Variants in DYNC1LI1 observed in about 807,000 individuals in gnomAD.
DYNC1LI1 encodes cytoplasmic dynein 1 light intermediate chain 1.
Under a neutral mutation model 63.8 loss-of-function variants are expected in DYNC1LI1, and 19 were observed. The observed-to-expected ratio is 0.30, with a 90% CI of 0.21 to 0.44. The LOEUF is 0.44. DYNC1LI1 is among the 20% of genes least tolerant of loss of function. DYNC1LI1 has a pLI of 1.00. For synonymous variants in DYNC1LI1, 225 were observed against 232.3 expected, an observed-to-expected ratio of 0.97 and a Z score of 0.28; for missense variants, 565 against 630.2, an observed-to-expected ratio of 0.90 and a Z score of 1.11.
intron 2 of DYNC1LI1, among the ~76,000 whole-genome samples, chr3:32,555,185 G>A (rs1376807127): frequency 6.6e-6 from 1 of 152,116 alleles, no homozygotes; most frequent in Non-Finnish European, 1.5e-5. Flanking sequence ...ATTGAAAATT[G>A]AACATTCATA....
Position 32,526,895 on chromosome 3 carries a change from G to C in DYNC1LI1, c.1476C>G (p.Val492=). ...PSTKKSGQKP[V]LDVHAELDRI... ...TGTCTAGTTCTGCATGAACATCTAAGACAGGCTTCTGGCCTACATTGAAGA... is the reference window on the plus strand; with the variant it reads ...TGTCTAGTTCTGCATGAACATCTAACACAGGCTTCTGGCCTACATTGAAGA... Residue 492 remains valine (V), a synonymous_variant, in exon 13 of 13, where the codon GTC becomes GTG. Coordinates refer to ENST00000273130, the MANE Select transcript of DYNC1LI1 (RefSeq NM_016141.4). The C allele has an allele frequency of 6.2e-7, 1 of 1,613,468 alleles. No homozygotes were observed. The highest frequency in any genetic ancestry group is 1.3e-5 in the African/African-American group (1 of 75,008).
intron 2 of DYNC1LI1, among the ~76,000 whole-genome samples, chr3:32,546,982 C>T (rs930415704): frequency 1.6e-4 from 24 of 152,286 alleles, no homozygotes; most frequent in Non-Finnish European, 3.4e-4. Context: ...CGGTGGCTCA[C>T]GCCTGTAATC....
At chr3:32,537,872 C>CATATATATATATATAATTTATATATA (rs1697795647) in intron 5 of DYNC1LI1, among the ~76,000 whole-genome samples, 1 of 86,938 alleles carries the variant, frequency 1.2e-5, no homozygotes, top group African/African-American at 4.6e-5. Flanking sequence ...TTTTTTGTTA[C>CATATATATATATATAATTTATATATA]ATATATATAT....
intron 4 of DYNC1LI1, among the ~76,000 whole-genome samples, chr3:32,543,009 C>A (rs571520767): frequency 2.4e-4 from 36 of 152,294 alleles, no homozygotes; most frequent in Admixed American, 5.9e-4. Context: ...AGAATCACTT[C>A]AAAGGCTTGT....
chr3:32,533,647 CCT>C (rs999769314), intron 7 of DYNC1LI1, among the ~76,000 whole-genome samples: 1 of 150,616 alleles, frequency 6.6e-6, no homozygotes, highest in Non-Finnish European at 1.5e-5. Flanking sequence ...CTCACTGCAG[CCT>C]CTGTCTCCCA....
At chr3:32,566,801 T>C (rs1486542986) in intron 2 of DYNC1LI1, 1 of 350,452 alleles carries the variant, frequency 2.9e-6, no homozygotes, top group African/African-American at 2.2e-5. Flanking sequence ...AGTAATTAAA[T>C]ATAAAAGGTA....
chr3:32,563,846 T>C (rs982068366), intron 2 of DYNC1LI1, among the ~76,000 whole-genome samples: 1 of 152,246 alleles, frequency 6.6e-6, no homozygotes, highest in African/African-American at 2.4e-5. Flanking sequence ...GTGCTCAAAC[T>C]ATACCTAACT....
chr3:32,551,338 A>G (rs1333989033), intron 2 of DYNC1LI1, among the ~76,000 whole-genome samples: 1 of 152,216 alleles, frequency 6.6e-6, no homozygotes, highest in African/African-American at 2.4e-5. Context: ...AAGCACATAC[A>G]GAGACCCAGA....
chr3:32,570,587 G>A (rs760277107), intron 1 of DYNC1LI1, 38 bp downstream of exon 1: 26 of 1,544,320 alleles, frequency 1.7e-5, no homozygotes, highest in Non-Finnish European at 2.2e-5. Context: ...CAAGGCCGGG[G>A]GAGCCAGCGG....
chr3:32,530,250 T>C (rs1300527962), intron 10 of DYNC1LI1, 34 bp downstream of exon 10: 1 of 1,569,322 alleles, frequency 6.4e-7, no homozygotes, highest in Non-Finnish European at 8.6e-7. Context: ...ATGTACTGCA[T>C]TTTAATCATT....
chr3:32,537,900 A>ATT (rs1491559622), intron 5 of DYNC1LI1, among the ~76,000 whole-genome samples: 2 of 64,348 alleles, frequency 3.1e-5, no homozygotes, highest in African/African-American at 1.5e-4. Context: ...TTATATATAT[A>ATT]ATATATATAT....
In DYNC1LI1 at chr3:32,528,112, C is replaced by CAAAAAAAAAAAAAA. The variant is rs60912161; in HGVS notation, c.1462+320_1462+333dup. Among the ~76,000 whole-genome samples the CAAAAAAAAAAAAAA allele has an allele frequency of 5.0e-4, 15 of 29,902 alleles. 2 individuals carry two copies. The highest frequency in any genetic ancestry group is 1.0e-3 in the Admixed American group (2 of 1,936). 19.6% of individuals were successfully genotyped at this position (29,902 alleles called of 152,430 possible). On this transcript the variant is annotated intron_variant, in intron 12 of 12. Transcript: ENST00000273130. The stretch of plus-strand genomic sequence containing the variant: ...TGGGCAACAGAACAAGACTCCATCT[C>CAAAAAAAAAAAAAA]AAAAAAAAAAAAAAAAAAAAAAAAA...
At chr3:32,526,933 A>C (rs1360113867) in intron 12 of DYNC1LI1, 25 bp from the exon 13 acceptor site, 3 of 1,536,500 alleles carry the variant, frequency 2.0e-6, no homozygotes, top group Non-Finnish European at 2.7e-6. Context: ...AAGAAAAAAA[A>C]CAAGATTTAG....
At position 32,537,069 on chromosome 3, in the gene DYNC1LI1, G is replaced by A. The variant is rs767392281; in HGVS notation, c.774C>T (p.Asp258=). 1.9e-6 allele frequency: 3 copies of A among 1,597,684 alleles called. No homozygotes were observed. The highest frequency in any genetic ancestry group is 1.7e-4 in the Middle Eastern group (1 of 6,014). Residue 258 remains aspartate, a synonymous_variant, in exon 6 of 13, where the codon GAC becomes GAT. Coordinates refer to ENST00000273130, the MANE Select transcript of DYNC1LI1 (RefSeq NM_016141.4). ...DAISVLEKEH[D]YRDEHFDFIQ... ...TAAAATCAAAATGTTCATCTCTGTAGTCATGTTCTTTCTCCAATACACTAA... is the reference window on the plus strand; with the variant it reads ...TAAAATCAAAATGTTCATCTCTGTAATCATGTTCTTTCTCCAATACACTAA...
Position 32,538,444 on chromosome 3 carries a change from T to C in DYNC1LI1, c.739-1340A>G, listed in dbSNP as rs574460892. Among the ~76,000 whole-genome samples the C allele has an allele frequency of 3.3e-5, 5 of 152,102 alleles. No homozygotes were observed. In the East Asian group the frequency reaches 9.7e-4, roughly 29 times the overall value. ...GGCCAGGCGCGGTGGCTCACGCCTG[T>C]AATCCCAGCACTTTGGGAGGTCGAG... is the stretch of plus-strand genomic sequence containing the variant. On this transcript the variant is annotated intron_variant, in intron 5 of 12. Transcript: ENST00000273130.
chr3:32,570,302 C>A, intron 2 of DYNC1LI1, 44 bp downstream of exon 2: 3 of 1,489,712 alleles, frequency 2.0e-6, no homozygotes, highest in African/African-American at 1.4e-5. Context: ...GTACCCCGGG[C>A]CGCTGGGGGC....
rs1305769228 is a variant in DYNC1LI1, at chr3:32,526,850, A to C, written c.1521T>G (p.Val507=). 1.2e-6 allele frequency: 2 copies of C among 1,614,110 alleles called. No homozygotes were observed. The highest frequency in any genetic ancestry group is 1.7e-6 in the Non-Finnish European group (2 of 1,179,966). ...ATGTAGGTGTTGTGGGAGAAACTGT[A>C]ACTGGTTTTCGTGTAATTCTGTCTA... ...AELDRITRKP[V]TVSPTTPTSP... is the part of the protein sequence containing the mutation. The change falls in exon 13 of 13, where the codon GTT becomes GTG. Residue 507 remains valine, a synonymous_variant. Coordinates refer to ENST00000273130, the MANE Select transcript of DYNC1LI1 (RefSeq NM_016141.4).
intron 2 of DYNC1LI1, among the ~76,000 whole-genome samples, chr3:32,568,803 TAATTAA>T (rs1219332604): frequency 6.6e-6 from 1 of 152,222 alleles, no homozygotes; most frequent in East Asian, 1.9e-4. Flanking sequence ...TCCAAATATT[TAATTAA>T]AATAGAATCA....
chr3:32,534,480 G>C, intron 7 of DYNC1LI1, 31 bp downstream of exon 7: 1 of 1,467,092 alleles, frequency 6.8e-7, no homozygotes, highest in Non-Finnish European at 9.3e-7. Flanking sequence ...AATAATACAT[G>C]ATAAAATTAT....
Sources: gnomAD v4.1 joint callset for allele counts (sites outside exome capture counted in the v4.1 genomes callset) on GRCh38, gnomAD v4.1.1 for gene constraint, MANE v1.5 for transcripts, NCBI Gene and HGNC (gene_info 2026-07-23, HGNC 2026-07-21) for gene names.